ZMAT4: variants seen among roughly 807,000 people sequenced by gnomAD.
ZMAT4 encodes zinc finger matrin-type protein 4.
In ZMAT4, 17 loss-of-function variants were observed where a neutral mutation model predicts 28.7. That is an observed-to-expected ratio of 0.59 (90% CI 0.41 to 0.89). The LOEUF is 0.89. ZMAT4 is among the 40% of genes least tolerant of loss of function. The pLI, the probability that ZMAT4 is intolerant of heterozygous loss-of-function variation, is 0.00. For synonymous variants in ZMAT4, 117 were observed against 109.2 expected (o/e 1.07, Z -0.44); for missense variants, 240 against 283.8 (o/e 0.85, Z 1.11).
chr8:40,558,953 CA>C (rs1477776040), intron 6 of ZMAT4, among the ~76,000 whole-genome samples: 6 of 152,292 alleles, frequency 3.9e-5, no homozygotes, highest in Admixed American at 3.3e-4. Flanking sequence ...AAATCATAAA[CA>C]GGACCTAAGG....
At chr8:40,769,679 A>G (rs1226404733) in intron 2 of ZMAT4, among the ~76,000 whole-genome samples, 1 of 152,060 alleles carries the variant, frequency 6.6e-6, no homozygotes, top group East Asian at 1.9e-4. Context: ...CCATAGAGGA[A>G]CTTCTTTTCA....
At chr8:40,834,301 C>T (rs1816398475) in intron 1 of ZMAT4, among the ~76,000 whole-genome samples, 1 of 152,096 alleles carries the variant, frequency 6.6e-6, no homozygotes, top group Middle Eastern at 3.2e-3. Flanking sequence ...TGATTCTTTG[C>T]CACCTCTCCC....
intron 5 of ZMAT4, among the ~76,000 whole-genome samples, chr8:40,585,595 G>C (rs1410679006): frequency 2.0e-5 from 3 of 151,968 alleles, no homozygotes; most frequent in African/African-American, 7.2e-5. Context: ...TAAAAAAAAA[G>C]CTATTCCATA....
intron 6 of ZMAT4, among the ~76,000 whole-genome samples, chr8:40,557,533 TC>T (rs1356513317): frequency 6.6e-6 from 1 of 152,200 alleles, no homozygotes; most frequent in Non-Finnish European, 1.5e-5. Context: ...TCTTTACTCT[TC>T]CTGTATATCT....
intron 2 of ZMAT4, among the ~76,000 whole-genome samples, chr8:40,824,252 G>C (rs933565617): frequency 3.9e-5 from 6 of 152,276 alleles, no homozygotes; most frequent in African/African-American, 1.4e-4. Context: ...GGAAACTCAT[G>C]TTCTTAGCAA....
At chr8:40,572,366 G>A (rs990775824) in intron 6 of ZMAT4, among the ~76,000 whole-genome samples, 5 of 152,106 alleles carry the variant, frequency 3.3e-5, no homozygotes, top group African/African-American at 4.8e-5. Flanking sequence ...TGGATATCAC[G>A]TGTTAAGGCC....
chr8:40,681,299 C>T (rs978850065), intron 4 of ZMAT4, among the ~76,000 whole-genome samples: 1 of 152,220 alleles, frequency 6.6e-6, no homozygotes, highest in Admixed American at 6.5e-5. Context: ...ACATCTGCTC[C>T]CAGTGGGGAT....
intron 5 of ZMAT4, among the ~76,000 whole-genome samples, chr8:40,594,213 C>T (rs1240661630): frequency 6.6e-6 from 1 of 152,088 alleles, no homozygotes; most frequent in African/African-American, 2.4e-5. Context: ...ACGGGGCCTC[C>T]CAGTTTAATA....
chr8:40,641,936 T>A (rs1807050893), intron 5 of ZMAT4, among the ~76,000 whole-genome samples: 1 of 152,062 alleles, frequency 6.6e-6, no homozygotes, highest in Non-Finnish European at 1.5e-5. Context: ...AAAATAATGA[T>A]AATAATAAAA....
chr8:40,834,200 C>T (rs1207495522), intron 1 of ZMAT4, among the ~76,000 whole-genome samples: 1 of 152,218 alleles, frequency 6.6e-6, no homozygotes. Context: ...CACAGGCTGG[C>T]CTGATGACAT....
At position 40,653,031 on chromosome 8, in the gene ZMAT4, TATGTAACTAACCTGCACA is replaced by T. The variant is rs1226766436; in HGVS notation, c.577+21655_577+21672del. Among the ~76,000 whole-genome samples the T allele has an allele frequency of 2.0e-5, 3 of 151,878 alleles. No homozygotes were observed. The East Asian group carries it at 5.8e-4, about 29-fold the overall frequency. On this transcript the variant is annotated intron_variant, in intron 5 of 6. Coordinates refer to ENST00000297737, the MANE Select transcript of ZMAT4 (RefSeq NM_024645.3). The stretch of plus-strand genomic sequence containing the variant: ...TGCACCAGCATGGCACATGTATACA[TATGTAACTAACCTGCACA>T]ATGTGCACATGTACACTAAAACTTA...
intron 4 of ZMAT4, among the ~76,000 whole-genome samples, chr8:40,689,912 G>A (rs996919078): frequency 1.3e-5 from 2 of 152,054 alleles, no homozygotes; most frequent in African/African-American, 4.8e-5. Flanking sequence ...ATACCACTAT[G>A]TGATCACTTA....
intron 1 of ZMAT4, among the ~76,000 whole-genome samples, chr8:40,846,599 T>C (rs1283280843): frequency 2.6e-5 from 4 of 152,228 alleles, no homozygotes; most frequent in East Asian, 1.9e-4. Context: ...GGCAGCGTCG[T>C]TCCACCTCAC....
At chr8:40,594,320 A>G (rs995153607) in intron 5 of ZMAT4, among the ~76,000 whole-genome samples, 4 of 152,216 alleles carry the variant, frequency 2.6e-5, no homozygotes, top group African/African-American at 4.8e-5. Context: ...AATTATAGAT[A>G]AGAGAAAGTG....
intron 2 of ZMAT4, among the ~76,000 whole-genome samples, chr8:40,783,565 T>C (rs1044737307): frequency 6.6e-6 from 1 of 152,040 alleles, no homozygotes; most frequent in African/African-American, 2.4e-5. Flanking sequence ...ATGGTAAACT[T>C]CATAGTATTT....
chr8:40,730,851 ACTCT>A (rs1398765433), intron 3 of ZMAT4, among the ~76,000 whole-genome samples: 1 of 152,122 alleles, frequency 6.6e-6, no homozygotes, highest in Non-Finnish European at 1.5e-5. Context: ...CTGTTTTGGA[ACTCT>A]GGAGTCCATT....
chr8:40,767,492 T>C, intron 3 of ZMAT4, 149 bp downstream of exon 3: 1 of 635,792 alleles, frequency 1.6e-6, no homozygotes, highest in South Asian at 2.7e-5. Flanking sequence ...CCTCGATATA[T>C]ATCATAGTAC....
At chr8:40,844,984 C>A (rs1816832249) in intron 1 of ZMAT4, among the ~76,000 whole-genome samples, 1 of 152,104 alleles carries the variant, frequency 6.6e-6, no homozygotes, top group South Asian at 2.1e-4. Context: ...CACTGGGTGA[C>A]CTCACGACCA....
At chr8:40,616,207 G>A (rs915274508) in intron 5 of ZMAT4, among the ~76,000 whole-genome samples, 6 of 152,208 alleles carry the variant, frequency 3.9e-5, no homozygotes, top group African/African-American at 1.4e-4. Flanking sequence ...ACACCAGTTA[G>A]AATGGCGATC....
Sources: gnomAD v4.1 joint callset for allele counts (sites outside exome capture counted in the v4.1 genomes callset) on GRCh38, gnomAD v4.1.1 for gene constraint, MANE v1.5 for transcripts, NCBI Gene and HGNC (gene_info 2026-07-23, HGNC 2026-07-21) for gene names.